SELPLG: variants seen among roughly 807,000 people sequenced by gnomAD.
The protein encoded by SELPLG is selectin P ligand.
Under a neutral mutation model 1.1 loss-of-function variants are expected in SELPLG, and 2 were observed. The observed-to-expected ratio is 1.82, with a 90% confidence interval of 0.74 to 5.71. SELPLG has a LOEUF of 5.71. SELPLG is among the 30% of genes most tolerant of loss of function. The pLI is 0.05. For missense variants in SELPLG, 478 were observed against 524.7 expected, an observed-to-expected ratio of 0.91 and a Z score of 0.87; for synonymous variants, 230 against 221.2, an observed-to-expected ratio of 1.04 and a Z score of -0.35.
chr12:108,633,512 G>GA (rs1339262398), intron 1 of SELPLG, among the ~76,000 whole-genome samples: 2 of 151,188 alleles, frequency 1.3e-5, no homozygotes, highest in African/African-American at 4.9e-5. Context: ...AAAAAAGAAG[G>GA]AAAAAAAAAG....
Position 108,622,166 on chromosome 12 carries a change from G to A in SELPLG, c.*903C>T, listed in dbSNP as rs2031834090. On this transcript the variant is annotated 3_prime_UTR_variant, in exon 2 of 2. Coordinates refer to ENST00000550948, the MANE Select transcript of SELPLG (RefSeq NM_003006.4). ...AAAGAGGCTTCCTGGGGGGCCAGGG[G>A]CTGAGGGCAGACAGCTGAGGACCAG... is the stretch of plus-strand genomic sequence containing the variant. 1 of 152,378 alleles carries A rather than the reference G, an allele frequency of 6.6e-6. No homozygotes were observed. Among genetic ancestry groups the A allele is most frequent in the Admixed American group, 6.5e-5 (1 of 15,288 alleles). The allele number at this position is 152,378 out of a possible 1,614,324, so 9.4% of individuals were successfully genotyped here. A position where few individuals can be genotyped will look rare whatever the true frequency, so the allele number is the denominator to read the frequency against.
chr12:108,622,063 C>G lies in SELPLG; in HGVS notation c.*1006G>C, dbSNP rs2031832616. ...TCCCTTTGGCCCCCCATAGCCTGAA[C>G]TTTTCCTGGTCACCCAAGGATGTAC... On this transcript the variant is annotated 3_prime_UTR_variant, in exon 2 of 2. Coordinates refer to ENST00000550948, the MANE Select transcript of SELPLG (RefSeq NM_003006.4). 1.3e-5 allele frequency among the ~76,000 whole-genome samples: 2 copies of G among 152,200 alleles called. No homozygotes were observed. The highest frequency in any genetic ancestry group is 2.9e-5 in the Non-Finnish European group (2 of 68,028).
intron 1 of SELPLG, among the ~76,000 whole-genome samples, chr12:108,631,296 TC>T (rs2032045861): frequency 6.6e-6 from 1 of 152,206 alleles, no homozygotes; most frequent in Admixed American, 6.5e-5. Context: ...AGGGTCTTTC[TC>T]TGTTGCCCAG....
rs779632139 is a variant in SELPLG, at chr12:108,623,661, G to A, written c.647C>T (p.Pro216Leu). ...AGTGGTCTGTGCCTCCATGGCTGCTGGTGGAGTGGTCTGTGCTTCCATGGC... is the reference window on the plus strand; with the variant it reads ...AGTGGTCTGTGCCTCCATGGCTGCTAGTGGAGTGGTCTGTGCTTCCATGGC... ...PAAMEAQTTP[P>L]AAMEAQTTQT... The change falls in exon 2 of 2, where the codon CCA becomes CTA. Residue 216 changes from proline to leucine, a missense_variant. Physicochemically the swap from Pro to Leu is moderately conservative, Grantham distance 98. Transcript: ENST00000550948. 3 of 1,533,742 alleles carry A rather than the reference G, an allele frequency of 2.0e-6. No individual in the cohort carries two copies. Among genetic ancestry groups the A allele is most frequent in the East Asian group, 2.2e-5 (1 of 44,758 alleles).
Position 108,623,309 on chromosome 12 carries a change from G to A in SELPLG, c.999C>T (p.Ile333=). The A allele has an allele frequency of 6.2e-7, 1 of 1,614,262 alleles. No individual in the cohort carries two copies. The highest frequency in any genetic ancestry group is 8.5e-7 in the Non-Finnish European group (1 of 1,180,050). ...CCAGCACCACAGTGCACACGAAGAAGATAGTGGCCACCAGCGCCAAGATTA... is the reference window on the plus strand; with the variant it reads ...CCAGCACCACAGTGCACACGAAGAAAATAGTGGCCACCAGCGCCAAGATTA... ...AILILALVAT[I]FFVCTVVLAV... The change falls in exon 2 of 2, where the codon ATC becomes ATT. Residue 333 remains isoleucine, a synonymous_variant. Coordinates refer to ENST00000550948, the MANE Select transcript of SELPLG (RefSeq NM_003006.4).
chr12:108,631,063 A>G (rs2032040230), intron 1 of SELPLG, among the ~76,000 whole-genome samples: 1 of 152,080 alleles, frequency 6.6e-6, no homozygotes. Context: ...GGGCCTCACT[A>G]AATGCCTCTG....
Position 108,624,017 on chromosome 12 carries a change from C to T in SELPLG, c.291G>A (p.Gly97=). The T allele has an allele frequency of 2.5e-6, 4 of 1,614,240 alleles. No homozygotes were observed. The highest frequency in any genetic ancestry group is 3.4e-6 in the Non-Finnish European group (4 of 1,180,046). Residue 97 remains glycine (G), a synonymous_variant, in exon 2 of 2, where the codon GGG becomes GGA. Transcript: ENST00000550948. ...GCTCCGTGGTCAGCTCTGTGACTGC[C>T]CCTCCTGCATCCAGGCCAGTAGAAC... The part of the protein sequence containing the change: ...ARRSTGLDAG[G]AVTELTTELA...
At position 108,624,130 on chromosome 12, in the gene SELPLG, G is replaced by T; in HGVS notation, c.178C>A (p.Pro60Thr). The T allele has an allele frequency of 6.2e-7, 1 of 1,614,166 alleles. No homozygotes were observed. The highest frequency in any genetic ancestry group is 8.5e-7 in the Non-Finnish European group (1 of 1,180,034). The stretch of plus-strand genomic sequence containing the variant: ...TCAGTGCTGTTCCTCAGCATTTCTG[G>T]AGGCTCCGTTTCTGGCAGGAAATCA... ...DYDFLPETEP[P>T]EMLRNSTDTT... The change falls in exon 2 of 2, where the codon CCA (proline) becomes ACA (threonine). Residue 60 changes from proline (P) to threonine (T), a missense_variant. Coordinates refer to ENST00000550948, the MANE Select transcript of SELPLG (RefSeq NM_003006.4).
intron 1 of SELPLG, 68 bp from the exon 2 acceptor site, chr12:108,624,380 AC>A: frequency 7.0e-7 from 1 of 1,428,928 alleles, no homozygotes; most frequent in Non-Finnish European, 9.5e-7. Flanking sequence ...AGCACCCTAG[AC>A]CACCACCCTC....
At chr12:108,626,331 C>T (rs941402712) in intron 1 of SELPLG, among the ~76,000 whole-genome samples, 23 of 151,934 alleles carry the variant, frequency 1.5e-4, no homozygotes, top group African/African-American at 4.8e-4. Flanking sequence ...GACGGGGTTT[C>T]GCCATGTTGG....
intron 1 of SELPLG, among the ~76,000 whole-genome samples, chr12:108,625,789 G>A (rs2031925615): frequency 2.0e-5 from 3 of 152,126 alleles, no homozygotes; most frequent in South Asian, 2.1e-4. Context: ...CTTGGCACTG[G>A]CTGGTGTTTA....
At position 108,624,224 on chromosome 12, in the gene SELPLG, G is replaced by A. The variant is rs148764352; in HGVS notation, c.84C>T (p.Ala28=). Residue 28 remains alanine (A), a synonymous_variant, in exon 2 of 2, where the codon GCC becomes GCT. Coordinates refer to ENST00000550948, the MANE Select transcript of SELPLG (RefSeq NM_003006.4). ...CAAGCAGGGGACCCAAGGCTTTCTC[G>A]GCTTCATCTGCCCAGGTGTCCCACA... ...LQLWDTWADE[A]EKALGPLLAR... The A allele has an allele frequency of 2.5e-5, 40 of 1,614,196 alleles. No individual in the cohort carries two copies. Among genetic ancestry groups the A allele is most frequent in the African/African-American group, 6.7e-5 (5 of 75,052 alleles).
chr12:108,628,207 G>A (rs112779592), intron 1 of SELPLG, among the ~76,000 whole-genome samples: 1 of 151,784 alleles, frequency 6.6e-6, no homozygotes, highest in Non-Finnish European at 1.5e-5. Context: ...AGACTGCAGT[G>A]AGCCGAGATT....
Position 108,623,644 on chromosome 12 carries a change from G to A in SELPLG, c.664C>T (p.Gln222Ter). Reference sequence around the variant, plus strand: ...TCCATGGCTGTGGTTTGAGTGGTCTGTGCCTCCATGGCTGCTGGTGGAGTG... The same window carrying A: ...TCCATGGCTGTGGTTTGAGTGGTCTATGCCTCCATGGCTGCTGGTGGAGTG... ...QTTPPAAMEA[Q>*]TTQTTAMEAQ... The change falls in exon 2 of 2, where the codon CAG becomes TAG. Residue 222 changes from glutamine (Q) to a stop codon, truncating the protein, a stop_gained. Transcript: ENST00000550948. LOFTEE classifies it low-confidence loss of function (END_TRUNC). 3.3e-6 allele frequency: 5 copies of A among 1,534,068 alleles called. No homozygotes were observed. Among genetic ancestry groups the A allele is most frequent in the Non-Finnish European group, 4.4e-6 (5 of 1,145,090 alleles).
rs1415022520 is a variant in SELPLG, at chr12:108,623,798, C to A, written c.510G>T (p.Glu170Asp). 3 of 1,613,472 alleles carry A rather than the reference C, an allele frequency of 1.9e-6. No homozygotes were observed. The East Asian group carries it at 6.7e-5, about 36-fold the overall frequency. Reference protein sequence around the residue: ...EAQTTPLAATEAQTTPPAATE... With the variant: ...EAQTTPLAATDAQTTPPAATE... Reference sequence around the variant, plus strand: ...TGGCTGCTGGTGGAGTGGTCTGTGCCTCTGTGGCTGCCAGTGGAGTGGTCT... The same window carrying A: ...TGGCTGCTGGTGGAGTGGTCTGTGCATCTGTGGCTGCCAGTGGAGTGGTCT... The change falls in exon 2 of 2, where the codon GAG becomes GAT. Residue 170 changes from glutamate to aspartate, a missense_variant. Transcript: ENST00000550948.
intron 1 of SELPLG, among the ~76,000 whole-genome samples, chr12:108,624,792 T>TGATTCTCC (rs1479272265): frequency 6.6e-6 from 1 of 151,036 alleles, no homozygotes; most frequent in Admixed American, 6.6e-5. Context: ...CGGGTTCAAG[T>TGATTCTCC]GATTCTCCTG....
chr12:108,632,838 A>G (rs1269531618), intron 1 of SELPLG, among the ~76,000 whole-genome samples: 2 of 152,096 alleles, frequency 1.3e-5, no homozygotes, highest in Non-Finnish European at 2.9e-5. Flanking sequence ...TATTATTATT[A>G]TTATTGTTTT....
intron 1 of SELPLG, 34 bp from the exon 2 acceptor site, chr12:108,624,346 A>G (rs2031894795): frequency 1.3e-6 from 2 of 1,597,482 alleles, no homozygotes; most frequent in African/African-American, 2.7e-5. Context: ...GGATGTCAAG[A>G]CAGTTTCACC....
At chr12:108,632,293 G>A (rs1042237344) in intron 1 of SELPLG, among the ~76,000 whole-genome samples, 1 of 152,162 alleles carries the variant, frequency 6.6e-6, no homozygotes, top group African/African-American at 2.4e-5. Context: ...GGCTCTGGGG[G>A]CCTCAAAGTC....
Sources: allele counts gnomAD v4.1 joint callset (sites outside exome capture counted in the v4.1 genomes callset), GRCh38; gene constraint gnomAD v4.1.1; transcripts MANE v1.5; gene names NCBI Gene and HGNC (gene_info 2026-07-23, HGNC 2026-07-21).